The following CASK variants were observed in gnomAD, a reference collection of about 807,000 sequenced individuals.
The protein encoded by CASK is peripheral plasma membrane protein CASK.
A neutral mutation model predicts 82.9 loss-of-function variants in CASK; 4 were observed. That is an observed-to-expected ratio of 0.05 (90% CI 0.02 to 0.11). The LOEUF is 0.11. Among genes scored for constraint, CASK ranks in the 10% least tolerant of loss-of-function variants. The probability of loss-of-function intolerance (pLI) is 1.00; values close to 1 mark genes in which losing one functional copy is unlikely to be tolerated. For synonymous variants in CASK, 259 were observed against 253.5 expected, an observed-to-expected ratio of 1.02 and a Z score of -0.20; for missense variants, 358 against 720.9, an observed-to-expected ratio of 0.50 and a Z score of 5.76.
At chrX:41,687,475 C>G (rs1213001658) in intron 5 of CASK, among the ~76,000 whole-genome samples, 1 of 111,814 alleles carries the variant, frequency 8.9e-6, no homozygotes, top group Admixed American at 9.5e-5. Flanking sequence ...CTGTGTGATT[C>G]CACTCATATG....
At chrX:41,806,301 T>C (rs2070124379) in intron 2 of CASK, among the ~76,000 whole-genome samples, 1 of 112,138 alleles carries the variant, frequency 8.9e-6, no homozygotes, top group African/African-American at 3.2e-5. Context: ...TATATCTAAG[T>C]ATTTTAAATG....
At chrX:41,818,732 A>G (rs749890232) in intron 2 of CASK, among the ~76,000 whole-genome samples, 1 of 111,360 alleles carries the variant, frequency 9.0e-6, no homozygotes, top group Non-Finnish European at 1.9e-5. Flanking sequence ...GGTATGTACA[A>G]TCAAATTTTA....
At chrX:41,696,805 T>C (rs748408054) in intron 5 of CASK, 1 of 957,672 alleles carries the variant, frequency 1.0e-6, no homozygotes, top group Non-Finnish European at 1.4e-6. Flanking sequence ...ATGAATTATA[T>C]AATGCAGCCT....
intron 2 of CASK, among the ~76,000 whole-genome samples, chrX:41,804,280 G>A (rs1212173166): frequency 2.7e-5 from 3 of 110,928 alleles, no homozygotes; most frequent in Non-Finnish European, 3.8e-5. Flanking sequence ...CCCGGGAGGC[G>A]GAGGCTGCAG....
In CASK at chrX:41,553,701, A is replaced by G; in HGVS notation, c.2039+18T>C. ...TGTTTTTATAACCAAGCAAAGCAAAACACGCATAAAAACATACCATTCCTG... is the reference window on the plus strand; with the variant it reads ...TGTTTTTATAACCAAGCAAAGCAAAGCACGCATAAAAACATACCATTCCTG... On this transcript the variant is annotated intron_variant, in intron 21 of 26. Transcript: ENST00000378163. 1 of 1,147,908 alleles carries G rather than the reference A, an allele frequency of 8.7e-7. No homozygotes were observed. Among genetic ancestry groups the G allele is most frequent in the Non-Finnish European group, 1.2e-6 (1 of 841,725 alleles). The allele number at this position is 1,147,908 out of a possible 1,213,427, so 94.6% of individuals were successfully genotyped here. A position where few individuals can be genotyped will look rare whatever the true frequency, so the allele number is the denominator to read the frequency against.
At chrX:41,783,012 G>T (rs981039205) in intron 3 of CASK, among the ~76,000 whole-genome samples, 1 of 108,819 alleles carries the variant, frequency 9.2e-6, no homozygotes, top group African/African-American at 3.4e-5. Context: ...AGGCGTGGTG[G>T]CATGCGCCTG....
At chrX:41,626,378 G>GA (rs1377322228) in intron 10 of CASK, among the ~76,000 whole-genome samples, 3 of 109,207 alleles carry the variant, frequency 2.7e-5, no homozygotes, top group African/African-American at 1.0e-4. Flanking sequence ...GAGGTGAAAA[G>GA]AAAAAAAAAT....
chrX:41,533,709 G>C (rs747866335), intron 24 of CASK, among the ~76,000 whole-genome samples: 33 of 111,655 alleles, frequency 3.0e-4, no homozygotes, highest in Admixed American at 1.4e-3. Flanking sequence ...GCCCAGGCTG[G>C]AGTGCAATGG....
intron 8 of CASK, among the ~76,000 whole-genome samples, chrX:41,638,441 T>C (rs1453133074): frequency 1.2e-4 from 13 of 110,686 alleles, no homozygotes. Flanking sequence ...TAATCCCAGC[T>C]ACTTGGGAGG....
At chrX:41,717,169 A>C (rs943795097) in intron 5 of CASK, among the ~76,000 whole-genome samples, 8 of 111,841 alleles carry the variant, frequency 7.2e-5, no homozygotes, top group Non-Finnish European at 1.5e-4. Context: ...TGGAGACAGG[A>C]CACAGTAGTA....
At chrX:41,795,176 A>G (rs1445183723) in intron 2 of CASK, among the ~76,000 whole-genome samples, 1 of 112,706 alleles carries the variant, frequency 8.9e-6, no homozygotes, top group African/African-American at 3.2e-5. Flanking sequence ...AAAATAGTAT[A>G]AAACAAATTT....
intron 5 of CASK, among the ~76,000 whole-genome samples, chrX:41,738,990 T>C (rs2068549756): frequency 8.9e-6 from 1 of 112,492 alleles, no homozygotes; most frequent in Admixed American, 9.4e-5. Flanking sequence ...ATGCTGACTA[T>C]TCTGCATTGC....
At chrX:41,714,085 A>G (rs958462167) in intron 5 of CASK, among the ~76,000 whole-genome samples, 2 of 112,084 alleles carry the variant, frequency 1.8e-5, no homozygotes, top group African/African-American at 6.5e-5. Context: ...CTGGGGATTC[A>G]AAGCTTTTTT....
At chrX:41,593,305 C>T (rs190342140) in intron 12 of CASK, among the ~76,000 whole-genome samples, 3 of 111,062 alleles carry the variant, frequency 2.7e-5, no homozygotes, top group East Asian at 5.7e-4. Flanking sequence ...ACCAAAAGGG[C>T]AAGTAAGAAC....
intron 26 of CASK, among the ~76,000 whole-genome samples, chrX:41,523,285 A>G (rs1385456289): frequency 8.9e-6 from 1 of 112,479 alleles, no homozygotes; most frequent in African/African-American, 3.2e-5. Context: ...CCTTAAAGGT[A>G]CACAAAGGGA....
intron 8 of CASK, among the ~76,000 whole-genome samples, chrX:41,645,601 C>A (rs2066744840): frequency 9.0e-6 from 1 of 111,378 alleles, no homozygotes; most frequent in African/African-American, 3.3e-5. Context: ...CATCAAATCA[C>A]AATAGGTGTA....
intron 5 of CASK, among the ~76,000 whole-genome samples, chrX:41,718,944 T>C (rs751023741): frequency 6.6e-4 from 74 of 112,323 alleles, no homozygotes; most frequent in African/African-American, 2.3e-3. Context: ...CTGGTTGCTA[T>C]GGTTATCTTG....
chrX:41,612,092 C>T lies in CASK; in HGVS notation c.1034-2067G>A, dbSNP rs1216048195. Among the ~76,000 whole-genome samples, 121 of 112,363 alleles carry T rather than the reference C, an allele frequency of 1.1e-3. 1 individual carries two copies. The highest frequency in any genetic ancestry group is 3.7e-3 in the African/African-American group (115 of 31,073). On this transcript the variant is annotated intron_variant, in intron 11 of 26. Coordinates refer to ENST00000378163, the MANE Select transcript of CASK (RefSeq NM_001367721.1). ...CGCCTGCCTTGGCCTCCCAAAGTGC[C>T]GAGAGTGCAGCCTCTGCCCGGCCGC...
At chrX:41,776,205 C>A (rs1250319951) in intron 3 of CASK, among the ~76,000 whole-genome samples, 5 of 111,666 alleles carry the variant, frequency 4.5e-5, no homozygotes, top group Non-Finnish European at 5.6e-5. Context: ...GCAGCATCAC[C>A]ACAAACGTGA....
Sources: gnomAD v4.1 joint callset for allele counts (sites outside exome capture counted in the v4.1 genomes callset) on GRCh38, gnomAD v4.1.1 for gene constraint, MANE v1.5 for transcripts, NCBI Gene and HGNC (gene_info 2026-07-23, HGNC 2026-07-21) for gene names.